The following PCDHGB4 variants were observed in gnomAD, a reference collection of about 807,000 sequenced individuals.
PCDHGB4 encodes the protein protocadherin gamma subfamily B, 4.
In PCDHGB4, 38 loss-of-function variants were observed where a neutral mutation model predicts 60.5. The ratio of observed to expected loss-of-function variants is 0.63; its 90% CI spans 0.48 to 0.82. The LOEUF (loss-of-function observed/expected upper bound fraction) is 0.82, where lower values mean the gene tolerates loss of function less well. Among genes scored for constraint, PCDHGB4 ranks in the 40% least tolerant of loss-of-function variants. The pLI, the probability that PCDHGB4 is intolerant of heterozygous loss-of-function variation, is 0.00. For missense variants in PCDHGB4, 1,109 were observed against 1,209.6 expected, an observed-to-expected ratio of 0.92 and a Z score of 1.23; for synonymous variants, 456 against 509.7, an observed-to-expected ratio of 0.89 and a Z score of 1.42.
At chr5:141,394,150 A>G in intron 1 of PCDHGB4, 3 of 1,613,916 alleles carry the variant, frequency 1.9e-6, no homozygotes, top group East Asian at 2.2e-5. Context: ...GCAGACATTA[A>G]CGACAACCCT....
chr5:141,481,475 C>T (rs1423011632), intron 1 of PCDHGB4, among the ~76,000 whole-genome samples: 1 of 152,200 alleles, frequency 6.6e-6, no homozygotes, highest in Non-Finnish European at 1.5e-5. Context: ...TTGGATTATA[C>T]ACTTTAAATA....
Position 141,428,162 on chromosome 5 carries a change from G to A in PCDHGB4, c.2397+37881G>A, listed in dbSNP as rs75153946. The A allele has an allele frequency of 9.5e-4, 1,493 of 1,569,102 alleles. 9 individuals are homozygous for A. The African/African-American group carries it at 0.016, about 16-fold the overall frequency. On this transcript the variant is annotated intron_variant, in intron 1 of 3. Coordinates refer to ENST00000519479, the MANE Select transcript of PCDHGB4 (RefSeq NM_003736.4). ...GGCTGCACACGGGAACCTGCTGGTT[G>A]CTGTGCGTGACGGAGGACAGCCGCC...
chr5:141,460,582 G>A (rs1246329967), intron 1 of PCDHGB4, among the ~76,000 whole-genome samples: 2 of 152,022 alleles, frequency 1.3e-5, no homozygotes, highest in South Asian at 4.1e-4. Context: ...GTAGGTGTGG[G>A]TTTTTTCTGG....
intron 1 of PCDHGB4, chr5:141,478,760 C>T (rs1472984737): frequency 1.5e-5 from 23 of 1,510,888 alleles, no homozygotes; most frequent in Non-Finnish European, 1.9e-5. Context: ...GGGGAAGATA[C>T]TTGACTCATC....
rs1363449 is a variant in PCDHGB4, at chr5:141,413,826, C to T, written c.2397+23545C>T. On this transcript the variant is annotated intron_variant, in intron 1 of 3. Coordinates refer to ENST00000519479, the MANE Select transcript of PCDHGB4 (RefSeq NM_003736.4). ...AGGCCATTCACCACCTGGTCCTCAC[C>T]GCCTCCGACGGGGGTGACCCTCTCC... 4,050 of 1,613,180 alleles carry T rather than the reference C, an allele frequency of 2.5e-3. 115 individuals are homozygous for T. In the African/African-American group the frequency reaches 0.047, roughly 19 times the overall value.
chr5:141,459,284 A>C (rs2098965103), intron 1 of PCDHGB4, among the ~76,000 whole-genome samples: 1 of 152,174 alleles, frequency 6.6e-6, no homozygotes, highest in African/African-American at 2.4e-5. Flanking sequence ...ATTTCATCTA[A>C]ATGGAATCCT....
chr5:141,404,227 A>G, intron 1 of PCDHGB4: 3 of 1,613,818 alleles, frequency 1.9e-6, no homozygotes, highest in East Asian at 2.2e-5. Context: ...TGACTGCAAC[A>G]GACAGAGGAA....
rs185995562 is a variant in PCDHGB4 at position 141,410,475 on chromosome 5, A to T, written c.2397+20194A>T. 63 of 1,614,052 alleles carry T rather than the reference A, an allele frequency of 3.9e-5. No individual in the cohort carries two copies. The highest frequency in any genetic ancestry group is 3.3e-4 in the Middle Eastern group (2 of 6,062). ...TATTCTTATAATCTGTGCATTGCAC[A>T]TACGGGTACAAAAGAGTTTAATTTC... On this transcript the variant is annotated intron_variant, in intron 1 of 3. Transcript: ENST00000519479.
intron 1 of PCDHGB4, among the ~76,000 whole-genome samples, chr5:141,473,191 G>C (rs28479996): frequency 6.6e-6 from 1 of 152,134 alleles, no homozygotes; most frequent in South Asian, 2.1e-4. Flanking sequence ...AGGAGTAAAT[G>C]TATCTTCTAA....
At chr5:141,445,188 GTATTCTA>G (rs1223900471) in intron 1 of PCDHGB4, among the ~76,000 whole-genome samples, 1 of 152,080 alleles carries the variant, frequency 6.6e-6, no homozygotes, top group Non-Finnish European at 1.5e-5. Context: ...ATGTTTTTAT[GTATTCTA>G]TATGCTTTTG....
Position 141,443,643 on chromosome 5 carries a change from A to C in PCDHGB4, c.2398-51164A>C, listed in dbSNP as rs188777289. The stretch of plus-strand genomic sequence containing the variant: ...GTGATTGTAAAAATTGATCCAGATA[A>C]TGTTAGCATAGCATTTTACTGAACT... On this transcript the variant is annotated intron_variant, in intron 1 of 3. Coordinates refer to ENST00000519479, the MANE Select transcript of PCDHGB4 (RefSeq NM_003736.4). Among the ~76,000 whole-genome samples, 238 of 152,370 alleles carry C rather than the reference A, an allele frequency of 1.6e-3. 2 individuals are homozygous for C. The highest frequency in any genetic ancestry group is 2.5e-3 in the Non-Finnish European group (169 of 68,028).
intron 1 of PCDHGB4, chr5:141,398,588 T>C: frequency 1.9e-6 from 3 of 1,614,010 alleles, no homozygotes; most frequent in African/African-American, 1.3e-5. Flanking sequence ...AGATTTATAC[T>C]AGAAGTAGCA....
rs1365678326 is a variant in PCDHGB4 at position 141,389,250 on chromosome 5, A to G, written c.1366A>G (p.Ile456Val). ...TCCGGTTTTCTCACAGTCTTCCTAT[A>G]TAGTCCACGTGGCCGAGAACAACCC... Reference protein sequence around the residue: ...NAPVFSQSSYIVHVAENNPPG... With the variant: ...NAPVFSQSSYVVHVAENNPPG... Residue 456 changes from isoleucine (I) to valine (V), a missense_variant, in exon 1 of 4, where the codon ATA (isoleucine) becomes GTA (valine). Ile to Val is a conservative substitution (Grantham distance 29). Coordinates refer to ENST00000519479, the MANE Select transcript of PCDHGB4 (RefSeq NM_003736.4). 9.9e-6 allele frequency: 16 copies of G among 1,614,012 alleles called. No individual in the cohort carries two copies. The highest frequency in any genetic ancestry group is 1.6e-4 in the Middle Eastern group (1 of 6,062).
chr5:141,432,413 G>T lies in PCDHGB4; in HGVS notation c.2397+42132G>T, dbSNP rs369816901. On this transcript the variant is annotated intron_variant, in intron 1 of 3. Transcript: ENST00000519479. This position sits in a 1 kb window ranked among gnomAD's most constrained non-coding sequence, Gnocchi z 6.0. ...CAGCAACGTGTCGTTGAGCCTGTTCGTGCTGGACCAGAACGACAATGCGCC... is the reference window on the plus strand; with the variant it reads ...CAGCAACGTGTCGTTGAGCCTGTTCTTGCTGGACCAGAACGACAATGCGCC... The T allele has an allele frequency of 6.2e-7, 1 of 1,614,232 alleles. No homozygotes were observed.
chr5:141,404,183 G>T lies in PCDHGB4; in HGVS notation c.2397+13902G>T, dbSNP rs759576056. ...CAGATTGTTGACGGCCCAAATTCTT[G>T]ACCGAGAAAAAGCCTCAGAATATAA... On this transcript the variant is annotated intron_variant, in intron 1 of 3. Coordinates refer to ENST00000519479, the MANE Select transcript of PCDHGB4 (RefSeq NM_003736.4). 2.5e-6 allele frequency: 4 copies of T among 1,613,154 alleles called. No individual in the cohort carries two copies. In the South Asian group the frequency reaches 4.4e-5, roughly 18 times the overall value.
At chr5:141,395,170 AGAAAAATGATTCTT>A in intron 1 of PCDHGB4, 1 of 1,614,214 alleles carries the variant, frequency 6.2e-7, no homozygotes, top group Non-Finnish European at 8.5e-7. Flanking sequence ...GAGGGCTGTG[AGAAAAATGATTCTT>A]TGTTAACATC....
intron 1 of PCDHGB4, among the ~76,000 whole-genome samples, chr5:141,467,955 G>A (rs1049980375): frequency 2.0e-5 from 3 of 151,666 alleles, no homozygotes; most frequent in Non-Finnish European, 2.9e-5. Context: ...CACCACACCC[G>A]GCTGCCAGAA....
At chr5:141,464,407 A>G (rs996561936) in intron 1 of PCDHGB4, among the ~76,000 whole-genome samples, 1 of 151,544 alleles carries the variant, frequency 6.6e-6, no homozygotes, top group Non-Finnish European at 1.5e-5. Flanking sequence ...CCTGAGATAT[A>G]TATATATCTA....
chr5:141,389,258 C>G lies in PCDHGB4; in HGVS notation c.1374C>G (p.His458Gln). Residue 458 changes from histidine to glutamine, a missense_variant, in exon 1 of 4, where the codon CAC (histidine) becomes CAG (glutamine). Around this residue, in one of 2 missense-constraint regions of PCDHGB4, gnomAD observed 1,068 missense variants for 1,089.9 expected, o/e 0.98. Transcript: ENST00000519479. ...TCTCACAGTCTTCCTATATAGTCCA[C>G]GTGGCCGAGAACAACCCGCCTGGAG... ...PVFSQSSYIV[H>Q]VAENNPPGAS... 6.2e-7 allele frequency: 1 copy of G among 1,614,022 alleles called. No individual in the cohort carries two copies. The highest frequency in any genetic ancestry group is 8.5e-7 in the Non-Finnish European group (1 of 1,179,894).
Sources: gnomAD v4.1 joint callset for allele counts (sites outside exome capture counted in the v4.1 genomes callset) on GRCh38, gnomAD v4.1.1 for gene constraint, gnomAD v4.1.1 regional missense constraint, Gnocchi (gnomAD v3.1) non-coding constraint, MANE v1.5 for transcripts, NCBI Gene and HGNC (gene_info 2026-07-23, HGNC 2026-07-21) for gene names.